Variants in DDX60L observed in about 807,000 individuals in gnomAD.
DDX60L encodes the protein DExD/H-box 60 like.
A neutral mutation model predicts 211.6 loss-of-function variants in DDX60L; 191 were observed. The observed-to-expected ratio is 0.90, with a 90% CI of 0.80 to 1.02. DDX60L has a LOEUF of 1.02. Among genes scored for constraint, DDX60L ranks in the 50% least tolerant of loss-of-function variants. The probability of loss-of-function intolerance (pLI) is 0.00; values close to 1 mark genes in which losing one functional copy is unlikely to be tolerated. For synonymous variants in DDX60L, 706 were observed against 694.1 expected (o/e 1.02, Z -0.27); for missense variants, 2,007 against 1,984.1 (o/e 1.01, Z -0.22).
chr4:168,435,199 T>A lies in DDX60L; in HGVS notation c.1295-2084A>T, dbSNP rs571513998. On this transcript the variant is annotated intron_variant, in intron 10 of 37. Transcript: ENST00000682922. Reference sequence around the variant, plus strand: ...GGTCCCTGAATCTTCTGTGTGGTTATTTCACCAGTTTCAGAATGCGTAACT... The same window carrying A: ...GGTCCCTGAATCTTCTGTGTGGTTAATTCACCAGTTTCAGAATGCGTAACT... Among the ~76,000 whole-genome samples, 67 of 152,304 alleles carry A rather than the reference T, an allele frequency of 4.4e-4. No homozygotes were observed. The South Asian group carries it at 0.012, about 26-fold the overall frequency.
At chr4:168,389,563 A>G (rs1744447179) in intron 29 of DDX60L, among the ~76,000 whole-genome samples, 1 of 152,228 alleles carries the variant, frequency 6.6e-6, no homozygotes, top group South Asian at 2.1e-4. Flanking sequence ...AGATCTAGAG[A>G]AAGAACAAGA....
At chr4:168,390,186 G>T in intron 29 of DDX60L, 1 of 1,004,424 alleles carries the variant, frequency 1.0e-6, no homozygotes, top group African/African-American at 1.7e-5. Context: ...CTCTCATTGT[G>T]GTCCATAGTA....
chr4:168,381,856 C>A (rs1743020169), intron 30 of DDX60L, among the ~76,000 whole-genome samples: 1 of 152,046 alleles, frequency 6.6e-6, no homozygotes, highest in Non-Finnish European at 1.5e-5. Context: ...CGCAGGAGCC[C>A]AGAAAATATG....
chr4:168,416,631 T>C (rs981688682), intron 20 of DDX60L, 51 bp downstream of exon 20: 3 of 1,126,034 alleles, frequency 2.7e-6, no homozygotes, highest in South Asian at 1.6e-5. Flanking sequence ...ATAGACAGTA[T>C]ATAATTCAAC....
At chr4:168,394,143 C>A (rs558724857) in intron 28 of DDX60L, among the ~76,000 whole-genome samples, 2 of 151,802 alleles carry the variant, frequency 1.3e-5, no homozygotes, top group East Asian at 1.9e-4. Flanking sequence ...TTGCAGTAAG[C>A]CAAGATCGCG....
At chr4:168,438,026 AC>A (rs1753305441) in intron 10 of DDX60L, among the ~76,000 whole-genome samples, 1 of 152,080 alleles carries the variant, frequency 6.6e-6, no homozygotes, top group Non-Finnish European at 1.5e-5. Context: ...GGCACATGCC[AC>A]CATGCCCAGA....
intron 6 of DDX60L, among the ~76,000 whole-genome samples, chr4:168,457,242 A>G (rs866421020): frequency 5.6e-4 from 80 of 142,966 alleles, no homozygotes; most frequent in African/African-American, 1.9e-3. Flanking sequence ...AAACACCAAA[A>G]ACATATATAT....
chr4:168,406,925 C>T (rs140519702), intron 22 of DDX60L, among the ~76,000 whole-genome samples: 195 of 152,122 alleles, frequency 1.3e-3, no homozygotes, highest in African/African-American at 4.5e-3. Context: ...CTTCAAAATC[C>T]ACTAATAAGT....
In DDX60L at chr4:168,430,639, CT is replaced by C. The variant is rs1171505269; in HGVS notation, c.1517-2del. On this transcript the variant is annotated splice_acceptor_variant, in intron 12 of 37. Coordinates refer to ENST00000682922, the MANE Select transcript of DDX60L (RefSeq NM_001012967.3). LOFTEE classifies it high-confidence loss of function. ...AGAACATGAGGATCTCTAGATTGTT[CT>C]GAAATAGAAAGACTTAAAATGTAAA... 2.0e-6 allele frequency: 3 copies of C among 1,531,730 alleles called. No individual in the cohort carries two copies. Among genetic ancestry groups the C allele is most frequent in the Admixed American group, 4.4e-5 (2 of 45,620 alleles). The allele number at this position is 1,531,730 out of a possible 1,614,324, so 94.9% of individuals were successfully genotyped here. A position where few individuals can be genotyped will look rare whatever the true frequency, so the allele number is the denominator to read the frequency against.
At chr4:168,441,045 G>C (rs1025678899) in intron 10 of DDX60L, among the ~76,000 whole-genome samples, 6 of 152,098 alleles carry the variant, frequency 3.9e-5, no homozygotes, top group African/African-American at 1.4e-4. Flanking sequence ...AGGATGGATT[G>C]GGAAGTGGCC....
intron 12 of DDX60L, among the ~76,000 whole-genome samples, chr4:168,431,626 A>G (rs370987355): frequency 2.4e-4 from 36 of 151,896 alleles, no homozygotes; most frequent in South Asian, 6.2e-4. Context: ...TGGGTGCAGC[A>G]CACCAGCATG....
Position 168,432,579 on chromosome 4 carries a change from A to G in DDX60L, c.1401-9T>C. The G allele has an allele frequency of 6.8e-7, 1 of 1,479,500 alleles. No individual in the cohort carries two copies. Among genetic ancestry groups the G allele is most frequent in the Non-Finnish European group, 9.1e-7 (1 of 1,099,732 alleles). 91.6% of individuals were successfully genotyped at this position (1,479,500 alleles called of 1,614,324 possible). A position where few individuals can be genotyped will look rare whatever the true frequency, so the allele number is the denominator to read the frequency against. On this transcript the variant is annotated splice_polypyrimidine_tract_variant and intron_variant, in intron 11 of 37. Coordinates refer to ENST00000682922, the MANE Select transcript of DDX60L (RefSeq NM_001012967.3). ...GAACAACCGGATCATCACTGTAAAAATAAATACATAATTTTTTTAAATTTT... is the reference window on the plus strand; with the variant it reads ...GAACAACCGGATCATCACTGTAAAAGTAAATACATAATTTTTTTAAATTTT...
rs1327302331 is a variant in DDX60L at position 168,395,974 on chromosome 4, G to T, written c.3642C>A (p.Thr1214=). 1 of 1,600,782 alleles carries T rather than the reference G, an allele frequency of 6.2e-7. No individual in the cohort carries two copies. Among genetic ancestry groups the T allele is most frequent in the African/African-American group, 1.3e-5 (1 of 74,256 alleles). The change falls in exon 27 of 38, where the codon ACC becomes ACA. Residue 1214 remains threonine, a synonymous_variant. Coordinates refer to ENST00000682922, the MANE Select transcript of DDX60L (RefSeq NM_001012967.3). The part of the protein sequence containing the change: ...ADVKALHTEI[T]RNKDSTLERV... Reference sequence around the variant, plus strand: ...TCTGACGTACTGAGTCTTTATTCCTGGTAATTTCAGTGTGTAGGGCTTTGA... The same window carrying T: ...TCTGACGTACTGAGTCTTTATTCCTTGTAATTTCAGTGTGTAGGGCTTTGA...
At position 168,386,586 on chromosome 4, in the gene DDX60L, A is replaced by AAC. The variant is rs1743914463; in HGVS notation, c.3916-1775_3916-1774insGT. Among the ~76,000 whole-genome samples the AAC allele has an allele frequency of 6.3e-5, 4 of 63,044 alleles. No individual in the cohort carries two copies. In the South Asian group the frequency reaches 2.9e-3, roughly 46 times the overall value. 41.4% of individuals were successfully genotyped at this position (63,044 alleles called of 152,430 possible). ...TCTAATATGATGTTGAAAAAAAAAAAAAGAACAAAGATAAGAAAAGTGAGC... is the reference window on the plus strand; with the variant it reads ...TCTAATATGATGTTGAAAAAAAAAAAACAAGAACAAAGATAAGAAAAGTGAGC... On this transcript the variant is annotated intron_variant, in intron 29 of 37. Coordinates refer to ENST00000682922, the MANE Select transcript of DDX60L (RefSeq NM_001012967.3).
chr4:168,382,340 A>C (rs1314087922), intron 30 of DDX60L, among the ~76,000 whole-genome samples: 1 of 152,176 alleles, frequency 6.6e-6, no homozygotes, highest in African/African-American at 2.4e-5. Flanking sequence ...AAAATAATAA[A>C]GCAGTTTCCT....
At chr4:168,429,926 G>A (rs931582237) in intron 13 of DDX60L, among the ~76,000 whole-genome samples, 31 of 152,108 alleles carry the variant, frequency 2.0e-4, no homozygotes, top group South Asian at 2.1e-4. Context: ...GGCTGGGTGT[G>A]GTGGCTCACA....
rs1415344278 is a variant in DDX60L at position 168,423,791 on chromosome 4, T to C, written c.1931-17A>G. ...AAATTTTGCCTTGTTAAAGAAACAA[T>C]AAAATTGTTATAAAGAACACCAAAA... On this transcript the variant is annotated splice_polypyrimidine_tract_variant and intron_variant, in intron 14 of 37. Transcript: ENST00000682922. The C allele has an allele frequency of 4.0e-6, 6 of 1,512,230 alleles. No homozygotes were observed. Among genetic ancestry groups the C allele is most frequent in the Non-Finnish European group, 5.4e-6 (6 of 1,120,540 alleles). 93.7% of individuals were successfully genotyped at this position (1,512,230 alleles called of 1,614,324 possible). A position where few individuals can be genotyped will look rare whatever the true frequency, so the allele number is the denominator to read the frequency against.
At chr4:168,381,976 T>A (rs374121879) in intron 30 of DDX60L, among the ~76,000 whole-genome samples, 1 of 152,168 alleles carries the variant, frequency 6.6e-6, no homozygotes, top group African/African-American at 2.4e-5. Flanking sequence ...CACTTTTACA[T>A]AGAACTGGGT....
chr4:168,438,825 A>C (rs997471065), intron 10 of DDX60L, among the ~76,000 whole-genome samples: 1 of 152,228 alleles, frequency 6.6e-6, no homozygotes, highest in African/African-American at 2.4e-5. Flanking sequence ...CAGTTACAGA[A>C]ATGAGGACTC....
Sources: allele counts gnomAD v4.1 joint callset (sites outside exome capture counted in the v4.1 genomes callset), GRCh38; gene constraint gnomAD v4.1.1; transcripts MANE v1.5; gene names NCBI Gene and HGNC (gene_info 2026-07-23, HGNC 2026-07-21).